Variants in LPCAT2 observed in about 807,000 individuals in gnomAD.
The protein encoded by LPCAT2 is 1-AGP acyltransferase 11.
LPCAT2 carries 58 observed loss-of-function variants against 64.7 expected under a neutral mutation model. The ratio of observed to expected loss-of-function variants is 0.90; its 90% CI spans 0.73 to 1.12. The LOEUF is 1.12. LPCAT2 is among the 50% of genes most tolerant of loss of function. The pLI is 0.00. For missense variants in LPCAT2, 579 were observed against 669.8 expected (o/e 0.86, Z 1.50); for synonymous variants, 252 against 245.3 (o/e 1.03, Z -0.26).
chr16:55,575,275 A>G (rs1250593318), intron 12 of LPCAT2, among the ~76,000 whole-genome samples: 1 of 152,160 alleles, frequency 6.6e-6, no homozygotes, highest in Non-Finnish European at 1.5e-5. Flanking sequence ...CTAAATTGGG[A>G]GCAGATGAAT....
At chr16:55,523,499 G>A (rs566178677) in intron 1 of LPCAT2, among the ~76,000 whole-genome samples, 23 of 151,628 alleles carry the variant, frequency 1.5e-4, no homozygotes, top group Non-Finnish European at 1.5e-4. Flanking sequence ...TTCATATGAG[G>A]TATAATAGCT....
intron 8 of LPCAT2, chr16:55,542,104 A>G (rs997261193): frequency 1.0e-5 from 5 of 499,898 alleles, no homozygotes; most frequent in Non-Finnish European, 1.5e-5. Flanking sequence ...TGAATAAACT[A>G]GCTTTAGTGA....
At chr16:55,547,445 A>G (rs1963466496) in intron 9 of LPCAT2, among the ~76,000 whole-genome samples, 1 of 152,204 alleles carries the variant, frequency 6.6e-6, no homozygotes, top group Admixed American at 6.5e-5. Context: ...TGATAAAAGC[A>G]TTGGAAAACA....
intron 3 of LPCAT2, among the ~76,000 whole-genome samples, chr16:55,529,173 A>C (rs902358319): frequency 6.6e-6 from 1 of 152,318 alleles, no homozygotes; most frequent in East Asian, 1.9e-4. Context: ...ATTGTCTCCA[A>C]GTAACTACTC....
chr16:55,574,633 C>A lies in LPCAT2; in HGVS notation c.1218C>A (p.Asn406Lys). ...TGATTTATCCCATCCTTTCACAGAA[C>A]CATGATGGCAGCATTGACTTCCGAG... ...LRQLFALFDR[N>K]HDGSIDFREY... Residue 406 changes from asparagine to lysine, a missense_variant and splice_region_variant, in exon 12 of 14, where the codon AAC becomes AAA. Asn to Lys is a moderately conservative substitution (Grantham distance 94). Coordinates refer to ENST00000262134, the MANE Select transcript of LPCAT2 (RefSeq NM_017839.5). 6.2e-7 allele frequency: 1 copy of A among 1,609,780 alleles called. No individual in the cohort carries two copies. The highest frequency in any genetic ancestry group is 8.5e-7 in the Non-Finnish European group (1 of 1,176,238).
rs567527508 is a variant in LPCAT2 at position 55,529,846 on chromosome 16, G to C, written c.541G>C (p.Ala181Pro). ...QVPLIGRLLR[A>P]VQPVLVSRVD... Reference sequence around the variant, plus strand: ...CATTTGTTTTAAAGGACTGTTACGGGCTGTGCAACCAGTTTTGGTGTCCCG... The same window carrying C: ...CATTTGTTTTAAAGGACTGTTACGGCCTGTGCAACCAGTTTTGGTGTCCCG... The change falls in exon 4 of 14, where the codon GCT becomes CCT. Residue 181 changes from alanine (A) to proline (P), a missense_variant. Transcript: ENST00000262134. The C allele has an allele frequency of 6.2e-7, 1 of 1,609,452 alleles. No individual in the cohort carries two copies. Among genetic ancestry groups the C allele is most frequent in the East Asian group, 2.2e-5 (1 of 44,824 alleles).
intron 8 of LPCAT2, chr16:55,541,889 T>C: frequency 7.8e-7 from 1 of 1,287,632 alleles, no homozygotes; most frequent in South Asian, 1.2e-5. Context: ...AAAAATATCT[T>C]CCTTCTTTTG....
chr16:55,569,160 A>G (rs2142415821), intron 11 of LPCAT2, among the ~76,000 whole-genome samples: 1 of 152,330 alleles, frequency 6.6e-6, no homozygotes. Flanking sequence ...AGAAATCCCC[A>G]GTGAAATGTG....
At chr16:55,574,785 C>T (rs1342688471) in intron 12 of LPCAT2, 56 bp downstream of exon 12, 1 of 1,228,636 alleles carries the variant, frequency 8.1e-7, no homozygotes, top group African/African-American at 1.5e-5. Flanking sequence ...AGTGTTGACT[C>T]TAAGTGTATT....
At chr16:55,565,774 G>A (rs1221212316) in intron 11 of LPCAT2, among the ~76,000 whole-genome samples, 6 of 152,034 alleles carry the variant, frequency 3.9e-5, no homozygotes, top group Non-Finnish European at 5.9e-5. Flanking sequence ...GAAGATAGCT[G>A]GTGGTGATGG....
At chr16:55,558,891 G>A (rs1171230615) in intron 11 of LPCAT2, among the ~76,000 whole-genome samples, 2 of 152,054 alleles carry the variant, frequency 1.3e-5, no homozygotes, top group East Asian at 1.9e-4. Context: ...TGGATTGAAG[G>A]ATTACTACAA....
chr16:55,571,772 A>G (rs1963773001), intron 11 of LPCAT2, among the ~76,000 whole-genome samples: 1 of 152,184 alleles, frequency 6.6e-6, no homozygotes, highest in Admixed American at 6.5e-5. Flanking sequence ...TATAATTTTT[A>G]TCTGTTTTGG....
chr16:55,562,438 C>A (rs1360545141), intron 11 of LPCAT2, among the ~76,000 whole-genome samples: 2 of 151,880 alleles, frequency 1.3e-5, no homozygotes, highest in East Asian at 3.8e-4. Context: ...GTACTAGCTG[C>A]GTGACCTTGG....
At chr16:55,534,400 T>A in intron 6 of LPCAT2, 43 bp from the exon 7 acceptor site, 2 of 1,255,790 alleles carry the variant, frequency 1.6e-6, no homozygotes, top group Non-Finnish European at 2.3e-6. Flanking sequence ...TTATTTAGTA[T>A]TTTTCCTCCA....
chr16:55,523,870 AATCT>A (rs1963132839), intron 1 of LPCAT2, among the ~76,000 whole-genome samples: 1 of 151,788 alleles, frequency 6.6e-6, no homozygotes, highest in African/African-American at 2.4e-5. Context: ...AAAAACTCAT[AATCT>A]ATAAACTTAA....
At chr16:55,531,883 GA>G in intron 4 of LPCAT2, 30 bp from the exon 5 acceptor site, 1 of 1,350,440 alleles carries the variant, frequency 7.4e-7, no homozygotes, top group Non-Finnish European at 1.1e-6. Context: ...TAATTAGATT[GA>G]AATATTAAAT....
rs1200166614 is a variant in LPCAT2, at chr16:55,586,005, C to T, written c.*2907C>T. On this transcript the variant is annotated 3_prime_UTR_variant, in exon 14 of 14. Coordinates refer to ENST00000262134, the MANE Select transcript of LPCAT2 (RefSeq NM_017839.5). ...TTGTTTCTTACATAGAAAATGCTAA[C>T]ATGAATAGAAAGATACTGGTGCAAG... 1 of 152,150 alleles carries T rather than the reference C, an allele frequency of 6.6e-6. No homozygotes were observed. Among genetic ancestry groups the T allele is most frequent in the Non-Finnish European group, 1.5e-5 (1 of 68,014 alleles). 9.4% of individuals were successfully genotyped at this position (152,150 alleles called of 1,614,324 possible). A position where few individuals can be genotyped will look rare whatever the true frequency, so the allele number is the denominator to read the frequency against.
At chr16:55,533,007 C>G (rs760917209) in intron 6 of LPCAT2, 125 bp downstream of exon 6, 6 of 684,550 alleles carry the variant, frequency 8.8e-6, no homozygotes, top group Non-Finnish European at 1.4e-5. Context: ...TGGGAGAGCT[C>G]ATTCTGCTCG....
At chr16:55,545,534 G>A (rs1963443119) in intron 8 of LPCAT2, 9 of 418,794 alleles carry the variant, frequency 2.1e-5, no homozygotes, top group Non-Finnish European at 3.9e-5. Flanking sequence ...AAAGTTAAAT[G>A]ACATACTAGT....
Sources: allele counts gnomAD v4.1 joint callset (sites outside exome capture counted in the v4.1 genomes callset), GRCh38; gene constraint gnomAD v4.1.1; transcripts MANE v1.5; gene names NCBI Gene and HGNC (gene_info 2026-07-23, HGNC 2026-07-21).